Variants in CDH20 observed in about 807,000 individuals in gnomAD.
CDH20 encodes the protein cadherin-20.
A neutral mutation model predicts 74.2 loss-of-function variants in CDH20; 29 were observed. That is an observed-to-expected ratio of 0.39 (90% CI 0.29 to 0.53). The LOEUF (loss-of-function observed/expected upper bound fraction) is 0.53, where lower values mean the gene tolerates loss of function less well. CDH20 is among the 20% of genes least tolerant of loss of function. The pLI is 0.69. For synonymous variants in CDH20, 469 were observed against 405.4 expected (o/e 1.16, Z -1.88); for missense variants, 988 against 1,048.3 (o/e 0.94, Z 0.79).
At chr18:61,515,455 C>T (rs1178469024) in intron 6 of CDH20, among the ~76,000 whole-genome samples, 8 of 152,104 alleles carry the variant, frequency 5.3e-5, no homozygotes, top group Admixed American at 4.6e-4. Flanking sequence ...AGAAATCACC[C>T]GTCTTCTGCG....
At chr18:61,489,395 G>A (rs922401063) in intron 1 of CDH20, among the ~76,000 whole-genome samples, 4 of 151,910 alleles carry the variant, frequency 2.6e-5, no homozygotes, top group Admixed American at 6.6e-5. Flanking sequence ...GCAGTTCTTC[G>A]AATTAACAGT....
At chr18:61,364,094 C>G (rs1056569440) in intron 1 of CDH20, among the ~76,000 whole-genome samples, 2 of 152,084 alleles carry the variant, frequency 1.3e-5, no homozygotes, top group Non-Finnish European at 2.9e-5. Context: ...TTATAACTCC[C>G]TGGATTATAT....
chr18:61,461,935 C>A (rs1342994813), intron 1 of CDH20, among the ~76,000 whole-genome samples: 1 of 152,096 alleles, frequency 6.6e-6, no homozygotes. Flanking sequence ...TAAATAGTTA[C>A]GAAGTTGCAC....
chr18:61,339,681 A>ATTTTC (rs1909874822), intron 1 of CDH20, among the ~76,000 whole-genome samples: 1 of 88,418 alleles, frequency 1.1e-5, no homozygotes, highest in African/African-American at 4.3e-5. Context: ...GGTCATAGAA[A>ATTTTC]TTTTTTTTTT....
chr18:61,457,112 C>A (rs1192941722), intron 1 of CDH20, among the ~76,000 whole-genome samples: 2 of 152,054 alleles, frequency 1.3e-5, no homozygotes, highest in African/African-American at 4.8e-5. Context: ...CTTGAAACCT[C>A]TGTTTTTTCT....
At chr18:61,339,477 A>C (rs143257492) in intron 1 of CDH20, among the ~76,000 whole-genome samples, 4 of 151,982 alleles carry the variant, frequency 2.6e-5, no homozygotes, top group Non-Finnish European at 5.9e-5. Context: ...ATAATTTTTC[A>C]ACCACCAACT....
chr18:61,468,726 G>A (rs1018242558), intron 1 of CDH20, among the ~76,000 whole-genome samples: 2 of 152,182 alleles, frequency 1.3e-5, no homozygotes, highest in Admixed American at 1.3e-4. Flanking sequence ...AGCTGGCTAT[G>A]GGCCATGACC....
chr18:61,447,558 A>C (rs1347105985), intron 1 of CDH20, among the ~76,000 whole-genome samples: 2 of 152,214 alleles, frequency 1.3e-5, no homozygotes, highest in Non-Finnish European at 2.9e-5. Context: ...AGAGAATTTC[A>C]GGAGAAAAGG....
In CDH20 at chr18:61,554,242, C is replaced by T. The variant is rs755225207; in HGVS notation, c.1953C>T (p.Ile651=). ...SMRRHRKQPY[I]IDDEENIHEN... ...GGCGGCACCGGAAACAACCATACAT[C>T]ATCGACGACGAGGAAAACATCCACG... The change falls in exon 12 of 12, where the codon ATC becomes ATT. Residue 651 remains isoleucine, a synonymous_variant. Transcript: ENST00000262717. 6.2e-7 allele frequency: 1 copy of T among 1,614,020 alleles called. No individual in the cohort carries two copies. The highest frequency in any genetic ancestry group is 8.5e-7 in the Non-Finnish European group (1 of 1,179,978).
At chr18:61,419,660 T>C (rs987566680) in intron 1 of CDH20, among the ~76,000 whole-genome samples, 2 of 152,190 alleles carry the variant, frequency 1.3e-5, no homozygotes, top group Non-Finnish European at 2.9e-5. Flanking sequence ...AATCTCTTTT[T>C]TTTTCAATAC....
At chr18:61,459,670 G>A (rs1346767591) in intron 1 of CDH20, among the ~76,000 whole-genome samples, 6 of 152,126 alleles carry the variant, frequency 3.9e-5, no homozygotes, top group African/African-American at 1.4e-4. Flanking sequence ...ACCCCGGGGT[G>A]ACCTCAGAAA....
intron 1 of CDH20, among the ~76,000 whole-genome samples, chr18:61,379,920 C>G (rs963080269): frequency 1.3e-5 from 2 of 152,206 alleles, no homozygotes; most frequent in African/African-American, 4.8e-5. Flanking sequence ...GGCCTTATAG[C>G]TACTCTCCCT....
At chr18:61,423,522 C>T (rs1912962871) in intron 1 of CDH20, among the ~76,000 whole-genome samples, 1 of 152,162 alleles carries the variant, frequency 6.6e-6, no homozygotes. Flanking sequence ...GAATATGCTA[C>T]ACTACAAGAT....
At chr18:61,466,587 A>G (rs1366465893) in intron 1 of CDH20, among the ~76,000 whole-genome samples, 2 of 152,198 alleles carry the variant, frequency 1.3e-5, no homozygotes, top group Non-Finnish European at 2.9e-5. Flanking sequence ...GATTAAGTCC[A>G]TGGAAATCTC....
intron 9 of CDH20, among the ~76,000 whole-genome samples, chr18:61,543,520 T>C (rs1913114844): frequency 5.3e-5 from 1 of 18,800 alleles, no homozygotes; most frequent in Non-Finnish European, 6.4e-4. Context: ...TTTTACATCA[T>C]GGTCTCCACA....
chr18:61,424,466 A>G (rs780116101), intron 1 of CDH20, among the ~76,000 whole-genome samples: 26 of 152,338 alleles, frequency 1.7e-4, no homozygotes, highest in Non-Finnish European at 2.9e-4. Flanking sequence ...ATTTGTGCCT[A>G]AATTAGACTT....
intron 1 of CDH20, among the ~76,000 whole-genome samples, chr18:61,427,552 C>CT (rs1913112814): frequency 6.6e-6 from 1 of 152,194 alleles, no homozygotes; most frequent in African/African-American, 2.4e-5. Context: ...AGCCTTTGTT[C>CT]TTTTCATTTC....
intron 6 of CDH20, among the ~76,000 whole-genome samples, chr18:61,510,213 T>A (rs908807215): frequency 2.0e-5 from 3 of 151,780 alleles, no homozygotes; most frequent in Admixed American, 6.6e-5. Context: ...AAAAGGACAG[T>A]GAAACGAGCC....
chr18:61,367,057 G>A (rs1050946806), intron 1 of CDH20, among the ~76,000 whole-genome samples: 1 of 152,142 alleles, frequency 6.6e-6, no homozygotes, highest in African/African-American at 2.4e-5. Context: ...ATAAGAAAAT[G>A]AGTCTATTGT....
Sources: allele counts gnomAD v4.1 joint callset (sites outside exome capture counted in the v4.1 genomes callset), GRCh38; gene constraint gnomAD v4.1.1; transcripts MANE v1.5; gene names NCBI Gene and HGNC (gene_info 2026-07-23, HGNC 2026-07-21).